The following HTR1F variants were observed in gnomAD, a reference collection of about 807,000 sequenced individuals.
HTR1F encodes the protein 5-hydroxytryptamine receptor 1F, also known as 5-hydroxytryptamine (serotonin) receptor 1F, G protein-coupled.
HTR1F carries 17 observed loss-of-function variants against 24.0 expected under a neutral mutation model. The observed-to-expected ratio is 0.71, with a 90% CI of 0.48 to 1.06. The LOEUF (loss-of-function observed/expected upper bound fraction) is 1.06, where lower values mean the gene tolerates loss of function less well. HTR1F is among the 50% of genes least tolerant of loss of function. The pLI is 0.00. For missense variants in HTR1F, 391 were observed against 427.8 expected (o/e 0.91, Z 0.76); for synonymous variants, 186 against 156.8 (o/e 1.19, Z -1.39).
chr3:87,915,690 C>T (rs1703877461), intron 2 of HTR1F, among the ~76,000 whole-genome samples: 1 of 152,060 alleles, frequency 6.6e-6, no homozygotes, highest in Non-Finnish European at 1.5e-5. Context: ...AACAAAGCCT[C>T]CAAGAAGTCT....
At chr3:87,980,143 G>A (rs1008634240) in intron 2 of HTR1F, among the ~76,000 whole-genome samples, 2 of 152,216 alleles carry the variant, frequency 1.3e-5, no homozygotes, top group Non-Finnish European at 2.9e-5. Context: ...CCTGCTTCAA[G>A]GAAGAGTGAG....
chr3:87,984,524 A>G (rs1705620972), intron 2 of HTR1F, among the ~76,000 whole-genome samples: 1 of 152,128 alleles, frequency 6.6e-6, no homozygotes, highest in Non-Finnish European at 1.5e-5. Flanking sequence ...AGCGCATGGC[A>G]TGATTTTGGC....
At chr3:87,928,184 T>C (rs1704174106) in intron 2 of HTR1F, among the ~76,000 whole-genome samples, 1 of 151,978 alleles carries the variant, frequency 6.6e-6, no homozygotes, top group Admixed American at 6.6e-5. Flanking sequence ...TAGCTGGGAC[T>C]ACAGGCATGC....
chr3:87,955,126 G>T (rs1436856597), intron 2 of HTR1F, among the ~76,000 whole-genome samples: 17 of 151,320 alleles, frequency 1.1e-4, no homozygotes, highest in African/African-American at 3.9e-4. Context: ...TTTAATAGTT[G>T]TGTATATCCT....
At chr3:87,933,956 C>T (rs1340435506) in intron 2 of HTR1F, among the ~76,000 whole-genome samples, 2 of 152,114 alleles carry the variant, frequency 1.3e-5, no homozygotes, top group African/African-American at 2.4e-5. Flanking sequence ...ATTCCATTGG[C>T]ATCATTTTCT....
At chr3:87,975,866 G>T (rs1343186418) in intron 2 of HTR1F, among the ~76,000 whole-genome samples, 1 of 152,228 alleles carries the variant, frequency 6.6e-6, no homozygotes, top group Non-Finnish European at 1.5e-5. Context: ...TCTGCCTTGT[G>T]TTGACTGCTG....
chr3:87,971,200 T>C (rs775869338), intron 2 of HTR1F, among the ~76,000 whole-genome samples: 4 of 152,224 alleles, frequency 2.6e-5, no homozygotes, highest in Non-Finnish European at 5.9e-5. Flanking sequence ...GGCAAGATAC[T>C]TGGAAAAGTA....
intron 2 of HTR1F, among the ~76,000 whole-genome samples, chr3:87,823,699 G>A (rs1704405838): frequency 1.3e-5 from 2 of 151,586 alleles, no homozygotes; most frequent in Non-Finnish European, 2.9e-5. Context: ...GGCTGGTCTT[G>A]AACTCCTGAG....
intron 2 of HTR1F, among the ~76,000 whole-genome samples, chr3:87,975,477 A>G (rs1041343160): frequency 1.3e-5 from 2 of 152,134 alleles, no homozygotes; most frequent in African/African-American, 4.8e-5. Flanking sequence ...ATGTGTCCTA[A>G]TTATCTTGGA....
chr3:87,837,014 T>C (rs1487795201), intron 2 of HTR1F, among the ~76,000 whole-genome samples: 1 of 152,092 alleles, frequency 6.6e-6, no homozygotes, highest in African/African-American at 2.4e-5. Flanking sequence ...ATAAGAAACA[T>C]GAAATTTTTT....
chr3:87,854,428 ATCTT>A (rs1443188934), intron 2 of HTR1F, among the ~76,000 whole-genome samples: 1 of 151,534 alleles, frequency 6.6e-6, no homozygotes, highest in Non-Finnish European at 1.5e-5. Context: ...CTTTTTGTCT[ATCTT>A]TATTCCTAAT....
intron 2 of HTR1F, among the ~76,000 whole-genome samples, chr3:87,967,106 A>C (rs1705181522): frequency 6.6e-6 from 1 of 152,304 alleles, no homozygotes; most frequent in South Asian, 2.1e-4. Context: ...AAATTGGTTG[A>C]ATGACATTTG....
At chr3:87,968,771 G>C (rs1219821514) in intron 2 of HTR1F, among the ~76,000 whole-genome samples, 2 of 152,186 alleles carry the variant, frequency 1.3e-5, no homozygotes, top group African/African-American at 2.4e-5. Context: ...CAAGACAATG[G>C]GAAAAATGTC....
chr3:87,814,137 C>T (rs147188529), intron 1 of HTR1F, among the ~76,000 whole-genome samples: 84 of 152,130 alleles, frequency 5.5e-4, no homozygotes, highest in South Asian at 5.4e-3. Context: ...TAATGAATGA[C>T]GCAATGTGGT....
intron 1 of HTR1F, chr3:87,793,235 G>A (rs1873211): frequency 0.14 from 20,782 of 152,150 alleles, 1,758 homozygotes; most frequent in East Asian, 0.23. Context: ...CTGGGGTGGA[G>A]AGAGACGGGG....
At chr3:87,957,760 T>C (rs1704976165) in intron 2 of HTR1F, among the ~76,000 whole-genome samples, 1 of 151,370 alleles carries the variant, frequency 6.6e-6, no homozygotes. Context: ...ATTTTTCATT[T>C]CTGATATTGC....
At chr3:87,827,638 T>C (rs1409199287) in intron 2 of HTR1F, among the ~76,000 whole-genome samples, 1 of 152,242 alleles carries the variant, frequency 6.6e-6, no homozygotes, top group East Asian at 1.9e-4. Flanking sequence ...AATCATATTT[T>C]TCCAGTTTTG....
intron 2 of HTR1F, among the ~76,000 whole-genome samples, chr3:87,825,479 A>G (rs1704444067): frequency 1.3e-5 from 2 of 152,020 alleles, no homozygotes; most frequent in Non-Finnish European, 2.9e-5. Context: ...TATATTCTGT[A>G]TGTTGTTTGA....
chr3:87,951,875 CA>C (rs1301770308), intron 2 of HTR1F, among the ~76,000 whole-genome samples: 1 of 152,020 alleles, frequency 6.6e-6, no homozygotes, highest in Non-Finnish European at 1.5e-5. Context: ...TGTACTGACT[CA>C]ATAGTTTTGC....
Sources: allele counts gnomAD v4.1 joint callset (sites outside exome capture counted in the v4.1 genomes callset), GRCh38; gene constraint gnomAD v4.1.1; transcripts MANE v1.5; gene names NCBI Gene and HGNC (gene_info 2026-07-23, HGNC 2026-07-21).